Variants in TENM2 observed in about 807,000 individuals in gnomAD.
TENM2 encodes teneurin transmembrane protein 2, also known as teneurin-2.
Under a neutral mutation model 245.2 loss-of-function variants are expected in TENM2, and 52 were observed. The observed-to-expected ratio is 0.21, with a 90% CI of 0.17 to 0.27. TENM2 has a LOEUF of 0.27. TENM2 is among the 10% of genes least tolerant of loss of function. The pLI is 1.00. For missense variants in TENM2, 3,046 were observed against 3,666.8 expected (o/e 0.83, Z 4.37); for synonymous variants, 1,363 against 1,438.9 (o/e 0.95, Z 1.19).
intron 2 of TENM2, among the ~76,000 whole-genome samples, chr5:167,580,833 AC>A (rs1354989026): frequency 4.6e-5 from 7 of 152,188 alleles, no homozygotes; most frequent in Non-Finnish European, 1.0e-4. Context: ...TACAACAAAT[AC>A]AAAAATTAGC....
At chr5:167,608,364 C>T (rs1487782255) in intron 2 of TENM2, among the ~76,000 whole-genome samples, 2 of 152,000 alleles carry the variant, frequency 1.3e-5, no homozygotes, top group East Asian at 1.9e-4. Flanking sequence ...ATCTGTTAAT[C>T]GAAGGAAAAA....
the TENM2 span, among the ~76,000 whole-genome samples, chr5:167,210,479 C>T: frequency 5.1e-5 from 6 of 116,530 alleles, no homozygotes; most frequent in Admixed American, 1.0e-4. Context: ...TTTTTTGAGA[C>T]GGAGTCTTGC....
the TENM2 span, among the ~76,000 whole-genome samples, chr5:167,047,810 T>C: frequency 6.6e-6 from 1 of 152,208 alleles, no homozygotes; most frequent in Non-Finnish European, 1.5e-5. Flanking sequence ...ATGATGTTTC[T>C]TGTAGGATTG....
intron 3 of TENM2, among the ~76,000 whole-genome samples, chr5:167,929,104 A>C (rs1320766967): frequency 2.1e-5 from 3 of 142,210 alleles, no homozygotes; most frequent in Non-Finnish European, 3.1e-5. Context: ...AAAGAAAGAA[A>C]GAAAGAAAGA....
At chr5:167,698,219 T>C (rs1031457154) in intron 2 of TENM2, among the ~76,000 whole-genome samples, 1 of 152,220 alleles carries the variant, frequency 6.6e-6, no homozygotes, top group South Asian at 2.1e-4. Flanking sequence ...GTTTTTACCT[T>C]CGTAACTACC....
intron 6 of TENM2, among the ~76,000 whole-genome samples, chr5:168,055,835 C>T (rs1297890224): frequency 6.6e-6 from 1 of 152,144 alleles, no homozygotes; most frequent in East Asian, 1.9e-4. Flanking sequence ...TTTTGATTAG[C>T]CCAAAGGCAC....
At chr5:168,144,417 G>C (rs1725776461) in intron 12 of TENM2, among the ~76,000 whole-genome samples, 1 of 151,562 alleles carries the variant, frequency 6.6e-6, no homozygotes, top group Admixed American at 6.6e-5. Flanking sequence ...ACCTGTAAGT[G>C]AGAATATGTG....
At chr5:167,184,577 G>A in the TENM2 span, among the ~76,000 whole-genome samples, 8 of 152,148 alleles carry the variant, frequency 5.3e-5, no homozygotes, top group African/African-American at 1.4e-4. Flanking sequence ...TTTGGAATCA[G>A]TACAAGCCTG....
intron 2 of TENM2, among the ~76,000 whole-genome samples, chr5:167,503,153 G>A (rs1298612322): frequency 3.3e-5 from 5 of 152,108 alleles, no homozygotes; most frequent in Non-Finnish European, 7.4e-5. Flanking sequence ...ACTAATCAAA[G>A]TAATACATTT....
intron 2 of TENM2, among the ~76,000 whole-genome samples, chr5:167,863,501 A>G (rs1772022748): frequency 6.6e-6 from 1 of 151,716 alleles, no homozygotes; most frequent in East Asian, 1.9e-4. Flanking sequence ...AAAATTAGCC[A>G]GGCGTGGTGG....
chr5:167,918,622 G>A lies in TENM2; in HGVS notation c.713-33966G>A, dbSNP rs60479832. On this transcript the variant is annotated intron_variant, in intron 3 of 28. Coordinates refer to ENST00000518659, the Ensembl canonical transcript of TENM2. ...CACACTGCCAGGGAGGGAGACAGGA[G>A]CCGTGTGGCAGTGTTTTGGAAGCTG... Among the ~76,000 whole-genome samples the A allele has an allele frequency of 8.2e-4, 125 of 152,304 alleles. 3 individuals are homozygous for A. In the East Asian group the frequency reaches 0.02, roughly 24 times the overall value.
At chr5:168,140,805 G>A (rs1046219663) in intron 12 of TENM2, among the ~76,000 whole-genome samples, 1 of 152,134 alleles carries the variant, frequency 6.6e-6, no homozygotes. Context: ...AATTACAACT[G>A]TGAAGTCTTT....
intron 2 of TENM2, among the ~76,000 whole-genome samples, chr5:167,825,266 A>G (rs932420564): frequency 3.9e-5 from 6 of 152,076 alleles, no homozygotes; most frequent in Non-Finnish European, 7.4e-5. Context: ...ACCTCTTTGC[A>G]TAGTGCGTGT....
intron 12 of TENM2, chr5:168,139,427 T>C (rs1755342616): frequency 6.6e-6 from 3 of 455,110 alleles, no homozygotes; most frequent in Non-Finnish European, 1.3e-5. Flanking sequence ...TAATCTAATT[T>C]AGTTAGATTA....
intron 2 of TENM2, among the ~76,000 whole-genome samples, chr5:167,872,733 C>G (rs1433799090): frequency 6.6e-6 from 1 of 152,180 alleles, no homozygotes; most frequent in Admixed American, 6.5e-5. Context: ...GATGCGTATT[C>G]TCAATACACT....
At position 167,584,733 on chromosome 5, in the gene TENM2, C is replaced by T. The variant is rs572897859; in HGVS notation, c.502+209260C>T. On this transcript the variant is annotated intron_variant, in intron 2 of 28. Transcript: ENST00000518659. ...TTTTTCAGACGGAGTCTCGCTCTGT[C>T]GCCCAGGCTGGAGTGCAGTGGCACA... 7.3e-5 allele frequency among the ~76,000 whole-genome samples: 11 copies of T among 151,088 alleles called. No individual in the cohort carries two copies. The South Asian group carries it at 1.7e-3, about 23-fold the overall frequency.
intron 2 of TENM2, among the ~76,000 whole-genome samples, chr5:167,575,210 T>C (rs1774560536): frequency 6.6e-6 from 1 of 152,026 alleles, no homozygotes; most frequent in African/African-American, 2.4e-5. Flanking sequence ...AGATTTTACC[T>C]AAAAGATAGC....
intron 19 of TENM2, among the ~76,000 whole-genome samples, chr5:168,205,202 C>T (rs1762258063): frequency 6.6e-6 from 1 of 152,004 alleles, no homozygotes; most frequent in African/African-American, 2.4e-5. Flanking sequence ...TTCAGACCCT[C>T]AACTCAGAGG....
intron 2 of TENM2, among the ~76,000 whole-genome samples, chr5:167,495,836 T>C (rs1233455995): frequency 6.6e-6 from 1 of 152,152 alleles, no homozygotes; most frequent in African/African-American, 2.4e-5. Flanking sequence ...TAAATTACTC[T>C]AACATTATAT....
Sources: allele counts gnomAD v4.1 joint callset (sites outside exome capture counted in the v4.1 genomes callset), GRCh38; gene constraint gnomAD v4.1.1; transcripts MANE v1.5; gene names NCBI Gene and HGNC (gene_info 2026-07-23, HGNC 2026-07-21).